PLEKHH1: variants seen among roughly 807,000 people sequenced by gnomAD.
The protein encoded by PLEKHH1 is pleckstrin homology domain-containing family H member 1.
Under a neutral mutation model 160.0 loss-of-function variants are expected in PLEKHH1, and 104 were observed. The ratio of observed to expected loss-of-function variants is 0.65; its 90% CI spans 0.55 to 0.76. The LOEUF (loss-of-function observed/expected upper bound fraction) is 0.76. Ranked by LOEUF, PLEKHH1 falls within the 30% of genes least tolerant of loss-of-function variation. The probability of loss-of-function intolerance (pLI) is 0.00; values close to 1 mark genes in which losing one functional copy is unlikely to be tolerated. For missense variants in PLEKHH1, 1,427 were observed against 1,724.1 expected, an observed-to-expected ratio of 0.83 and a Z score of 3.05; for synonymous variants, 619 against 678.4, an observed-to-expected ratio of 0.91 and a Z score of 1.36.
At chr14:67,545,148 T>G (rs1657327581) in intron 2 of PLEKHH1, among the ~76,000 whole-genome samples, 1 of 152,216 alleles carries the variant, frequency 6.6e-6, no homozygotes, top group Non-Finnish European at 1.5e-5. Context: ...CTCTGGATAT[T>G]TGAAGATGGG....
chr14:67,556,619 G>A (rs575832636), intron 3 of PLEKHH1, among the ~76,000 whole-genome samples: 4 of 152,260 alleles, frequency 2.6e-5, no homozygotes, highest in South Asian at 2.1e-4. Context: ...GGGGTGTGAC[G>A]GTATGCACCT....
intron 9 of PLEKHH1, 27 bp downstream of exon 9, chr14:67,570,039 G>T: frequency 1.4e-6 from 2 of 1,446,912 alleles, no homozygotes; most frequent in Non-Finnish European, 1.9e-6. Context: ...CAAAGAGGGG[G>T]TGTCTCATCA....
chr14:67,588,860 C>T lies in PLEKHH1; in HGVS notation c.*1625C>T, dbSNP rs942973975. 1.3e-5 allele frequency: 2 copies of T among 152,772 alleles called. No homozygotes were observed. The highest frequency in any genetic ancestry group is 1.9e-4 in the East Asian group (1 of 5,186). 9.5% of individuals were successfully genotyped at this position (152,772 alleles called of 1,614,324 possible). ...GCTGCTGTAAGCTTCTCCTCTCTCA[C>T]CCCGTAAACTGACAAGCATGATGAA... On this transcript the variant is annotated 3_prime_UTR_variant, in exon 29 of 29. Coordinates refer to ENST00000329153, the MANE Select transcript of PLEKHH1 (RefSeq NM_020715.3).
chr14:67,558,390 A>T (rs573189928), intron 4 of PLEKHH1, among the ~76,000 whole-genome samples: 1 of 152,314 alleles, frequency 6.6e-6, no homozygotes, highest in African/African-American at 2.4e-5. Context: ...TAGGCCCTTA[A>T]TGGAGGTGCC....
chr14:67,559,989 C>A (rs2140408971), intron 5 of PLEKHH1, among the ~76,000 whole-genome samples: 1 of 152,240 alleles, frequency 6.6e-6, no homozygotes, highest in African/African-American at 2.4e-5. Context: ...CCCACACAGG[C>A]CAGTGTCCAC....
intron 5 of PLEKHH1, 80 bp downstream of exon 5, chr14:67,559,771 C>T: frequency 1.1e-6 from 1 of 889,844 alleles, no homozygotes; most frequent in South Asian, 1.4e-5. Context: ...CTGCCCCCTA[C>T]TGTCTAGGGT....
rs1263200593 is a variant in PLEKHH1 at position 67,541,894 on chromosome 14, G to C, written c.27G>C (p.Pro9=). 3.7e-6 allele frequency: 6 copies of C among 1,602,542 alleles called. No homozygotes were observed. In the Admixed American group the frequency reaches 8.5e-5, roughly 23 times the overall value. Residue 9 remains proline (P), a synonymous_variant, in exon 2 of 29, where the codon CCG becomes CCC. Transcript: ENST00000329153. MAELKVEA[P]ASVDWQKRCL... Reference sequence around the variant, plus strand: ...TGGCAGAACTCAAGGTGGAGGCGCCGGCCAGCGTAGACTGGCAGAAACGCT... The same window carrying C: ...TGGCAGAACTCAAGGTGGAGGCGCCCGCCAGCGTAGACTGGCAGAAACGCT...
In PLEKHH1 at chr14:67,562,360, G is replaced by T; in HGVS notation, c.729G>T (p.Thr243=). Reference sequence around the variant, plus strand: ...CCTTGGAGGATTCTAGTTCCAGCACGGTCCATTCTGGGGAAACAGTAGAGG... The same window carrying T: ...CCTTGGAGGATTCTAGTTCCAGCACTGTCCATTCTGGGGAAACAGTAGAGG... ...ASPLEDSSSS[T]VHSGETVEAK... Residue 243 remains threonine (T), a synonymous_variant, in exon 7 of 29, where the codon ACG becomes ACT. Transcript: ENST00000329153. 1 of 1,613,688 alleles carries T rather than the reference G, an allele frequency of 6.2e-7. No homozygotes were observed. Among genetic ancestry groups the T allele is most frequent in the African/African-American group, 1.3e-5 (1 of 75,036 alleles).
chr14:67,577,005 C>G (rs866158816), intron 17 of PLEKHH1, among the ~76,000 whole-genome samples: 1 of 152,158 alleles, frequency 6.6e-6, no homozygotes, highest in African/African-American at 2.4e-5. Flanking sequence ...TCCATCCAGA[C>G]TTGACACAGT....
Position 67,573,736 on chromosome 14 carries a change from G to A in PLEKHH1, c.1840-65G>A. On this transcript the variant is annotated intron_variant, in intron 12 of 28. Coordinates refer to ENST00000329153, the MANE Select transcript of PLEKHH1 (RefSeq NM_020715.3). This position sits in a 1 kb window ranked among gnomAD's most constrained non-coding sequence, Gnocchi z 4.8. ...TTATGACGTGGAGGAAGATCTGAGG[G>A]TAAATGAGGTGCTCCGGAAAGGCTC... is the stretch of plus-strand genomic sequence containing the variant. The A allele has an allele frequency of 9.8e-7, 1 of 1,024,222 alleles. No homozygotes were observed. Among genetic ancestry groups the A allele is most frequent in the Non-Finnish European group, 1.6e-6 (1 of 641,318 alleles). 63.4% of individuals were successfully genotyped at this position (1,024,222 alleles called of 1,614,324 possible). A position where few individuals can be genotyped will look rare whatever the true frequency, so the allele number is the denominator to read the frequency against.
At chr14:67,579,504 TA>T (rs2035789098) in intron 21 of PLEKHH1, 193 bp downstream of exon 21, 2 of 655,014 alleles carry the variant, frequency 3.1e-6, no homozygotes. Context: ...AGATTGTTGG[TA>T]AAGGAGGGAC....
intron 23 of PLEKHH1, 176 bp from the exon 24 acceptor site, chr14:67,581,893 C>T: frequency 3.3e-6 from 2 of 606,238 alleles, no homozygotes; most frequent in East Asian, 2.9e-5. Flanking sequence ...CATGACCCTG[C>T]ATCTGCTCTG....
Position 67,579,772 on chromosome 14 carries a change from A to C in PLEKHH1, c.3079A>C (p.Asn1027His). 6.2e-7 allele frequency: 1 copy of C among 1,612,896 alleles called. No homozygotes were observed. Residue 1027 changes from asparagine to histidine, a missense_variant, in exon 22 of 29, where the codon AAC (asparagine) becomes CAC (histidine). By Grantham distance (68) the Asn-to-His change is moderately conservative. Coordinates refer to ENST00000329153, the MANE Select transcript of PLEKHH1 (RefSeq NM_020715.3). ...GGTTGATGAGTTCCTCCAGCGGCTG[A>C]ACCAGGAGATAGGCATGAGAAAGCC... ...STVDEFLQRL[N>H]QEIGMRKPSH... is the part of the protein sequence containing the mutation.
chr14:67,541,043 G>A (rs2033945330), intron 1 of PLEKHH1, among the ~76,000 whole-genome samples: 1 of 152,138 alleles, frequency 6.6e-6, no homozygotes, highest in African/African-American at 2.4e-5. Context: ...AAAATATCTA[G>A]CAGTTTTCTG....
chr14:67,549,992 A>C (rs533489652), intron 2 of PLEKHH1, among the ~76,000 whole-genome samples: 17 of 152,140 alleles, frequency 1.1e-4, no homozygotes, highest in Non-Finnish European at 1.9e-4. Flanking sequence ...CTGTCTTTCT[A>C]GTGGATCCCT....
chr14:67,561,407 C>T (rs1286147245), intron 5 of PLEKHH1, among the ~76,000 whole-genome samples: 3 of 152,146 alleles, frequency 2.0e-5, no homozygotes, highest in East Asian at 1.9e-4. Flanking sequence ...AAAAATTAGC[C>T]GGGCATAGTG....
chr14:67,584,784 G>A (rs560975164), intron 26 of PLEKHH1, among the ~76,000 whole-genome samples: 1 of 152,288 alleles, frequency 6.6e-6, no homozygotes, highest in East Asian at 1.9e-4. Flanking sequence ...ATCTAGTGCA[G>A]GAGATGTATA....
chr14:67,555,818 C>A lies in PLEKHH1; in HGVS notation c.127-7C>A, dbSNP rs1178718563. The A allele has an allele frequency of 6.2e-7, 1 of 1,613,064 alleles. No homozygotes were observed. The highest frequency in any genetic ancestry group is 8.5e-7 in the Non-Finnish European group (1 of 1,179,456). On this transcript the variant is annotated splice_region_variant and splice_polypyrimidine_tract_variant and intron_variant, in intron 2 of 28. Coordinates refer to ENST00000329153, the MANE Select transcript of PLEKHH1 (RefSeq NM_020715.3). ...CCTACATCTCCCCTTTCTCTCTGGCCAAGCAGATGCAGGAGCTGGAGCAGA... is the reference window on the plus strand; with the variant it reads ...CCTACATCTCCCCTTTCTCTCTGGCAAAGCAGATGCAGGAGCTGGAGCAGA...
At position 67,570,496 on chromosome 14, in the gene PLEKHH1, G is replaced by C. The variant is rs116418421; in HGVS notation, c.1434+484G>C. Reference sequence around the variant, plus strand: ...TTTATAGAAGAATAAAAAACCAAAAGTGAAATTTCCTCTCACGTCGCTTTT... The same window carrying C: ...TTTATAGAAGAATAAAAAACCAAAACTGAAATTTCCTCTCACGTCGCTTTT... On this transcript the variant is annotated intron_variant, in intron 9 of 28. Coordinates refer to ENST00000329153, the MANE Select transcript of PLEKHH1 (RefSeq NM_020715.3). 1,231 of 161,334 alleles carry C rather than the reference G, an allele frequency of 7.6e-3. 24 individuals are homozygous for C. Among genetic ancestry groups the C allele is most frequent in the African/African-American group, 0.028 (1,162 of 41,594 alleles). 10.0% of individuals were successfully genotyped at this position (161,334 alleles called of 1,614,324 possible). A position where few individuals can be genotyped will look rare whatever the true frequency, so the allele number is the denominator to read the frequency against.
Sources: allele counts gnomAD v4.1 joint callset (sites outside exome capture counted in the v4.1 genomes callset), GRCh38; gene constraint gnomAD v4.1.1; non-coding constraint Gnocchi (gnomAD v3.1); transcripts MANE v1.5; gene names NCBI Gene and HGNC (gene_info 2026-07-23, HGNC 2026-07-21).